Variants in TSPAN14 observed in about 807,000 individuals in gnomAD.
TSPAN14 encodes tetraspanin 14, also known as tetraspanin-14.
Under a neutral mutation model 36.6 loss-of-function variants are expected in TSPAN14, and 16 were observed. The ratio of observed to expected loss-of-function variants is 0.44; its 90% CI spans 0.30 to 0.66. TSPAN14 has a LOEUF of 0.66. Among genes scored for constraint, TSPAN14 ranks in the 30% least tolerant of loss-of-function variants. The pLI, the probability that TSPAN14 is intolerant of heterozygous loss-of-function variation, is 0.12. For synonymous variants in TSPAN14, 139 were observed against 143.8 expected, an observed-to-expected ratio of 0.97 and a Z score of 0.24; for missense variants, 231 against 355.1, an observed-to-expected ratio of 0.65 and a Z score of 2.81.
intron 2 of TSPAN14, among the ~76,000 whole-genome samples, chr10:80,493,038 C>A (rs1304143209): frequency 6.6e-6 from 1 of 152,124 alleles, no homozygotes; most frequent in Non-Finnish European, 1.5e-5. Flanking sequence ...TCATGAGGTT[C>A]TTATCACAAG....
At chr10:80,461,621 T>C (rs1845973761) in intron 1 of TSPAN14, among the ~76,000 whole-genome samples, 1 of 151,900 alleles carries the variant, frequency 6.6e-6, no homozygotes, top group Non-Finnish European at 1.5e-5. Context: ...GCAGGTTTAG[T>C]TGAGGGCTCC....
At chr10:80,486,127 G>A (rs1188556988) in intron 1 of TSPAN14, among the ~76,000 whole-genome samples, 2 of 152,360 alleles carry the variant, frequency 1.3e-5, no homozygotes, top group African/African-American at 4.8e-5. Context: ...TCTGACGGGT[G>A]TAGGTGTGGA....
chr10:80,517,753 C>A, intron 8 of TSPAN14, 152 bp from the exon 9 acceptor site: 1 of 727,318 alleles, frequency 1.4e-6, no homozygotes, highest in Non-Finnish European at 2.4e-6. Context: ...TGTGCTGTGC[C>A]ACTCGCTCTG....
intron 1 of TSPAN14, among the ~76,000 whole-genome samples, chr10:80,470,654 T>G (rs144981885): frequency 3.9e-4 from 60 of 152,366 alleles, no homozygotes; most frequent in Middle Eastern, 6.8e-3. Flanking sequence ...CCCTGCAGCC[T>G]ACTGGAGCAG....
rs1846331441 is a variant in TSPAN14, at chr10:80,467,892, C to T, written c.-18+13521C>T. On this transcript the variant is annotated intron_variant, in intron 1 of 8. Coordinates refer to ENST00000429989, the Ensembl canonical transcript of TSPAN14. ...ACATTACTTTTGTTTATTAGTGTAGCCCCTCTGTTGTGAAGTGGAATCCAG... is the reference window on the plus strand; with the variant it reads ...ACATTACTTTTGTTTATTAGTGTAGTCCCTCTGTTGTGAAGTGGAATCCAG... 1.3e-5 allele frequency among the ~76,000 whole-genome samples: 2 copies of T among 152,126 alleles called. 1 individual carries two copies. The highest frequency in any genetic ancestry group is 4.2e-4 in the South Asian group (2 of 4,816).
chr10:80,460,222 C>G (rs1030548250), intron 1 of TSPAN14, among the ~76,000 whole-genome samples: 3 of 152,076 alleles, frequency 2.0e-5, no homozygotes, highest in African/African-American at 7.2e-5. Context: ...CTGAAAATTT[C>G]TAAGAGGGTA....
At chr10:80,464,921 A>G (rs1375634250) in intron 1 of TSPAN14, among the ~76,000 whole-genome samples, 1 of 152,092 alleles carries the variant, frequency 6.6e-6, no homozygotes. Flanking sequence ...GGTCAGTGCA[A>G]CTATTGTTGC....
chr10:80,516,403 C>A lies in TSPAN14; in HGVS notation c.741+80C>A. ...GGCCCTTAACATAGAGTGCATGGGT[C>A]CAGTTTGGGTATGGTATTAAGGAAG... On this transcript the variant is annotated intron_variant, in intron 8 of 8. Coordinates refer to ENST00000429989, the Ensembl canonical transcript of TSPAN14. 1.9e-6 allele frequency: 3 copies of A among 1,590,538 alleles called. No homozygotes were observed. In the South Asian group the frequency reaches 3.4e-5, roughly 18 times the overall value.
At chr10:80,473,755 C>T (rs1191335997) in intron 1 of TSPAN14, among the ~76,000 whole-genome samples, 1 of 149,210 alleles carries the variant, frequency 6.7e-6, no homozygotes, top group Non-Finnish European at 1.5e-5. Flanking sequence ...TCACATGCCA[C>T]GGTGTCTGAT....
At chr10:80,513,483 G>A (rs970687760) in intron 6 of TSPAN14, among the ~76,000 whole-genome samples, 1 of 152,190 alleles carries the variant, frequency 6.6e-6, no homozygotes, top group African/African-American at 2.4e-5. Flanking sequence ...TCTCCACTGC[G>A]ACTGTGAAAT....
intron 1 of TSPAN14, among the ~76,000 whole-genome samples, chr10:80,479,564 G>C (rs1184896349): frequency 6.6e-6 from 1 of 151,948 alleles, no homozygotes; most frequent in Non-Finnish European, 1.5e-5. Context: ...TTTCCCCATT[G>C]CTTGTTTTTC....
chr10:80,456,730 C>G (rs897280690), intron 1 of TSPAN14, among the ~76,000 whole-genome samples: 3 of 152,196 alleles, frequency 2.0e-5, no homozygotes, highest in Non-Finnish European at 2.9e-5. Context: ...GACTTACACC[C>G]TAGAAGTTTG....
chr10:80,513,424 C>T (rs1036779885), intron 6 of TSPAN14, among the ~76,000 whole-genome samples: 3 of 152,180 alleles, frequency 2.0e-5, no homozygotes, highest in African/African-American at 7.2e-5. Flanking sequence ...GCAAGTTCTG[C>T]AGCCCAGGAG....
At chr10:80,493,391 ATTCCACT>A (rs1441187561) in intron 2 of TSPAN14, among the ~76,000 whole-genome samples, 2 of 152,244 alleles carry the variant, frequency 1.3e-5, no homozygotes, top group African/African-American at 4.8e-5. Context: ...TGATCCAACA[ATTCCACT>A]TCTGGGTATA....
intron 3 of TSPAN14, 50 bp from the exon 4 acceptor site, chr10:80,507,178 T>G: frequency 6.2e-7 from 1 of 1,611,364 alleles, no homozygotes; most frequent in Non-Finnish European, 8.5e-7. Context: ...GGCAGCATCC[T>G]TGACTCCCCT....
At chr10:80,477,064 C>T (rs921625246) in intron 1 of TSPAN14, among the ~76,000 whole-genome samples, 9 of 152,224 alleles carry the variant, frequency 5.9e-5, no homozygotes, top group African/African-American at 1.7e-4. Context: ...CCCTTAGAGT[C>T]CCTCACTGGT....
intron 1 of TSPAN14, among the ~76,000 whole-genome samples, chr10:80,455,214 A>T (rs1195327929): frequency 1.3e-5 from 2 of 151,938 alleles, no homozygotes; most frequent in African/African-American, 4.8e-5. Flanking sequence ...TGTCTTGGGG[A>T]CTTAAAGTTG....
intron 8 of TSPAN14, 115 bp downstream of exon 8, chr10:80,516,438 G>GAAAAAAAAAA: frequency 1.4e-6 from 2 of 1,435,178 alleles, no homozygotes; most frequent in Admixed American, 4.1e-5. Flanking sequence ...GCTTGCAGAA[G>GAAAAAAAAAA]AAAAAAAGGG....
Position 80,509,565 on chromosome 10 carries a change from G to T in TSPAN14, c.450+94G>T. 3 of 1,369,656 alleles carry T rather than the reference G, an allele frequency of 2.2e-6. No individual in the cohort carries two copies. Among genetic ancestry groups the T allele is most frequent in the Non-Finnish European group, 3.0e-6 (3 of 999,766 alleles). The allele number at this position is 1,369,656 out of a possible 1,614,324, so 84.8% of individuals were successfully genotyped here. A position where few individuals can be genotyped will look rare whatever the true frequency, so the allele number is the denominator to read the frequency against. On this transcript the variant is annotated intron_variant, in intron 5 of 8. Transcript: ENST00000429989. The surrounding 1 kb of genome is among the most constrained non-coding windows in gnomAD (Gnocchi z 4.7). ...CAGGGGCATCAGGCCTTCTCTGTGGGTTGTCTGCCTGCAGCTTGGCAGACA... is the reference window on the plus strand; with the variant it reads ...CAGGGGCATCAGGCCTTCTCTGTGGTTTGTCTGCCTGCAGCTTGGCAGACA...
Sources: gnomAD v4.1 joint callset for allele counts (sites outside exome capture counted in the v4.1 genomes callset) on GRCh38, gnomAD v4.1.1 for gene constraint, Gnocchi (gnomAD v3.1) non-coding constraint, MANE v1.5 for transcripts, NCBI Gene and HGNC (gene_info 2026-07-23, HGNC 2026-07-21) for gene names.